LARGE1: variants seen among roughly 807,000 people sequenced by gnomAD.
LARGE1 encodes the protein xylosyl- and glucuronyltransferase LARGE1.
In LARGE1, 43 loss-of-function variants were observed where a neutral mutation model predicts 87.6. The observed-to-expected ratio is 0.49, with a 90% CI of 0.38 to 0.63. LARGE1 has a LOEUF of 0.63. Ranked by LOEUF, LARGE1 falls within the 30% of genes least tolerant of loss-of-function variation. The pLI is 0.00. For synonymous variants in LARGE1, 434 were observed against 394.6 expected (o/e 1.10, Z -1.18); for missense variants, 802 against 1,000.2 (o/e 0.80, Z 2.67).
intron 2 of LARGE1, among the ~76,000 whole-genome samples, chr22:33,712,732 T>C (rs1409368337): frequency 6.7e-6 from 1 of 149,428 alleles, no homozygotes; most frequent in Non-Finnish European, 1.5e-5. Flanking sequence ...GAAAAGCCAC[T>C]AACCTACTAG....
intron 5 of LARGE1, among the ~76,000 whole-genome samples, chr22:33,573,221 C>G (rs1345486009): frequency 2.6e-5 from 4 of 152,100 alleles, no homozygotes; most frequent in African/African-American, 4.8e-5. Context: ...GATGGACCAC[C>G]TGAGGTCAGG....
At chr22:33,781,394 G>A (rs532645517) in intron 1 of LARGE1, among the ~76,000 whole-genome samples, 50 of 152,164 alleles carry the variant, frequency 3.3e-4, no homozygotes, top group African/African-American at 9.2e-4. Flanking sequence ...CCAGCTACTC[G>A]GGAGGCTGAG....
intron 6 of LARGE1, among the ~76,000 whole-genome samples, chr22:33,452,274 G>A (rs73166290): frequency 0.046 from 6,944 of 152,282 alleles, 214 homozygotes; most frequent in South Asian, 0.11. Flanking sequence ...AGGAGATAAG[G>A]GGACACAGCA....
downstream of LARGE1, among the ~76,000 whole-genome samples, chr22:33,160,217 T>C (rs1157890002): frequency 6.6e-6 from 1 of 152,240 alleles, no homozygotes; most frequent in African/African-American, 2.4e-5. Flanking sequence ...ATATCTCTCT[T>C]GGTTTTAGTG....
intron 1 of LARGE1, among the ~76,000 whole-genome samples, chr22:33,824,592 T>C (rs2062728474): frequency 6.6e-6 from 1 of 152,130 alleles, no homozygotes; most frequent in East Asian, 1.9e-4. Context: ...CTCATTCATG[T>C]TATTCCTTTC....
intron 11 of LARGE1, among the ~76,000 whole-genome samples, chr22:33,313,200 C>T (rs577835103): frequency 1.3e-5 from 2 of 152,228 alleles, no homozygotes; most frequent in South Asian, 2.1e-4. Flanking sequence ...CTGGCCCTGA[C>T]GTCTTCTCTG....
chr22:33,769,955 G>C (rs1313202488), intron 1 of LARGE1, among the ~76,000 whole-genome samples: 1 of 152,090 alleles, frequency 6.6e-6, no homozygotes, highest in Non-Finnish European at 1.5e-5. Flanking sequence ...AGGCCAACAG[G>C]TTATAGTAAT....
intron 2 of LARGE1, among the ~76,000 whole-genome samples, chr22:33,756,738 CCCTGAGGAGTCTGA>C (rs2084527946): frequency 6.6e-6 from 1 of 152,062 alleles, no homozygotes; most frequent in East Asian, 1.9e-4. Flanking sequence ...TCTGATTCAG[CCCTGAGGAGTCTGA>C]AGAACGAAGC....
intron 1 of LARGE1, among the ~76,000 whole-genome samples, chr22:33,907,791 G>A (rs983958636): frequency 6.6e-6 from 1 of 152,036 alleles, no homozygotes; most frequent in African/African-American, 2.4e-5. Context: ...TAGAGACCGG[G>A]TTTCACCATG....
chr22:33,681,888 T>A (rs894767012), intron 2 of LARGE1, among the ~76,000 whole-genome samples: 3 of 152,258 alleles, frequency 2.0e-5, no homozygotes, highest in African/African-American at 7.2e-5. Flanking sequence ...CCTAAGTCTA[T>A]GCTCATGCTA....
chr22:33,662,682 A>G (rs1203311379), intron 2 of LARGE1, among the ~76,000 whole-genome samples: 1 of 152,210 alleles, frequency 6.6e-6, no homozygotes, highest in Non-Finnish European at 1.5e-5. Context: ...CAGTGGCAAC[A>G]TAGCCATCCA....
the LARGE1 span, among the ~76,000 whole-genome samples, chr22:33,066,667 C>CT: frequency 6.6e-6 from 1 of 152,088 alleles, no homozygotes; most frequent in Admixed American, 6.6e-5. Flanking sequence ...AAAAGATTTT[C>CT]TTTTGTAAAA....
intron 9 of LARGE1, among the ~76,000 whole-genome samples, chr22:33,345,696 A>G (rs1169366989): frequency 6.6e-6 from 1 of 152,222 alleles, no homozygotes; most frequent in African/African-American, 2.4e-5. Flanking sequence ...CTTAAACATC[A>G]TCTGGGAAGG....
At chr22:33,552,685 T>C (rs570967815) in intron 6 of LARGE1, among the ~76,000 whole-genome samples, 103 of 152,248 alleles carry the variant, frequency 6.8e-4, no homozygotes, top group African/African-American at 2.3e-3. Flanking sequence ...AATCACAACA[T>C]ATTTTCTGGA....
chr22:33,211,973 T>A (rs1002246120), intron 11 of LARGE1, among the ~76,000 whole-genome samples: 1 of 152,174 alleles, frequency 6.6e-6, no homozygotes, highest in Non-Finnish European at 1.5e-5. Flanking sequence ...GTGAGGAAGC[T>A]GCAGAAGGAA....
At chr22:33,303,915 G>A (rs981381566) in intron 12 of LARGE1, among the ~76,000 whole-genome samples, 18 of 152,124 alleles carry the variant, frequency 1.2e-4, no homozygotes, top group Admixed American at 9.2e-4. Flanking sequence ...GAGCCATCGC[G>A]TGCCTGCCTG....
At chr22:33,613,964 TGG>T (rs1220831315) in intron 4 of LARGE1, among the ~76,000 whole-genome samples, 1 of 152,138 alleles carries the variant, frequency 6.6e-6, no homozygotes, top group Non-Finnish European at 1.5e-5. Context: ...AAGCTAGAAA[TGG>T]GGGTATGCCC....
chr22:33,846,761 C>T (rs2063443917), intron 1 of LARGE1, among the ~76,000 whole-genome samples: 1 of 152,142 alleles, frequency 6.6e-6, no homozygotes, highest in African/African-American at 2.4e-5. Context: ...GAAATAGACT[C>T]CAGTCTCCCA....
chr22:33,395,226 C>CAAAAAAAAA (rs3071528), intron 7 of LARGE1, among the ~76,000 whole-genome samples: 71 of 61,548 alleles, frequency 1.2e-3, no homozygotes, highest in South Asian at 1.6e-3. Context: ...GACTCTGCCT[C>CAAAAAAAAA]AAAAAAAAAA....
Sources: allele counts gnomAD v4.1 joint callset (sites outside exome capture counted in the v4.1 genomes callset), GRCh38; gene constraint gnomAD v4.1.1; transcripts MANE v1.5; gene names NCBI Gene and HGNC (gene_info 2026-07-23, HGNC 2026-07-21).